The following CCDC187 variants were observed in gnomAD, a reference collection of about 807,000 sequenced individuals.
The protein encoded by CCDC187 is coiled-coil domain containing 187.
In CCDC187, 32 loss-of-function variants were observed where a neutral mutation model predicts 38.0. That is an observed-to-expected ratio of 0.84 (90% CI 0.64 to 1.13). The LOEUF is 1.13. CCDC187 is among the 50% of genes most tolerant of loss of function. The pLI is 0.00. For missense variants in CCDC187, 707 were observed against 786.8 expected, an observed-to-expected ratio of 0.90 and a Z score of 1.21; for synonymous variants, 333 against 347.9, an observed-to-expected ratio of 0.96 and a Z score of 0.48.
intron 7 of CCDC187, among the ~76,000 whole-genome samples, chr9:136,287,607 C>A (rs1165713021): frequency 6.6e-6 from 1 of 152,180 alleles, no homozygotes; most frequent in Non-Finnish European, 1.5e-5. Context: ...GGCTGCGGCA[C>A]CCAATTAAAG....
chr9:136,254,476 G>C lies in CCDC187; in HGVS notation c.5352C>G (p.Ser1784=), dbSNP rs1554760009. The part of the protein sequence containing the change: ...CTGAKPASGS[S]LPAGGSLGLG... ...GGCCCAGTGAGCCACCTGCAGGCAG[G>C]GAGCTCCCCGAGGCTGGCTTGGCCC... The change falls in exon 26 of 26, where the codon TCC becomes TCG. Residue 1784 remains serine (S), a synonymous_variant. Coordinates refer to ENST00000638797, the MANE Select transcript of CCDC187 (RefSeq NM_001378188.1). The C allele has an allele frequency of 1.0e-6, 1 of 985,364 alleles. No homozygotes were observed. Among genetic ancestry groups the C allele is most frequent in the African/African-American group, 1.7e-5 (1 of 57,226 alleles). The allele number at this position is 985,364 out of a possible 1,614,324, so 61.0% of individuals were successfully genotyped here.
intron 4 of CCDC187, among the ~76,000 whole-genome samples, chr9:136,294,127 C>CAT (rs879179515): frequency 0.75 from 105,358 of 141,342 alleles, 39,392 homozygotes; most frequent in East Asian, 0.82. Flanking sequence ...CTCTCACACT[C>CAT]ATACACACGC....
intron 16 of CCDC187, 107 bp from the exon 17 acceptor site, chr9:136,266,150 C>T (rs1243060594): frequency 3.2e-5 from 18 of 569,500 alleles, no homozygotes; most frequent in Non-Finnish European, 4.0e-5. Flanking sequence ...CCTGGAATGC[C>T]CTCCCAAGGT....
rs963399993 is a variant in CCDC187 at position 136,291,247 on chromosome 9, G to A, written c.1366C>T (p.Arg456Trp). The A allele has an allele frequency of 1.8e-4, 70 of 398,826 alleles. No individual in the cohort carries two copies. The East Asian group carries it at 1.8e-3, about 10-fold the overall frequency. The allele number at this position is 398,826 out of a possible 1,614,324, so 24.7% of individuals were successfully genotyped here. ...TWEPWSSSTA[R>W]ESCPQRAWGA... Reference sequence around the variant, plus strand: ...CAGGCCCTCTGCGGACAGGACTCCCGTGCAGTGGAGGAGCTCCAGGGCTCC... The same window carrying A: ...CAGGCCCTCTGCGGACAGGACTCCCATGCAGTGGAGGAGCTCCAGGGCTCC... The change falls in exon 6 of 26, where the codon CGG becomes TGG. Residue 456 changes from arginine to tryptophan, a missense_variant. Physicochemically the swap from Arg to Trp is moderately radical, Grantham distance 101. Transcript: ENST00000638797.
intron 19 of CCDC187, among the ~76,000 whole-genome samples, chr9:136,261,886 GC>G (rs1293872510): frequency 2.0e-4 from 30 of 152,364 alleles, no homozygotes; most frequent in South Asian, 6.2e-4. Context: ...GCCATTTCGA[GC>G]CCGGAAAGAA....
At chr9:136,289,321 T>C (rs1831254098) in intron 7 of CCDC187, among the ~76,000 whole-genome samples, 2 of 151,932 alleles carry the variant, frequency 1.3e-5, no homozygotes, top group Admixed American at 1.3e-4. Flanking sequence ...AGTTCGAGAC[T>C]AGCCTGGCCA....
chr9:136,294,085 TAC>T lies in CCDC187; in HGVS notation c.833-1792_833-1791del, dbSNP rs1194971195. Among the ~76,000 whole-genome samples, 182 of 102,034 alleles carry T rather than the reference TAC, an allele frequency of 1.8e-3. 1 individual carries two copies. The highest frequency in any genetic ancestry group is 4.9e-3 in the African/African-American group (129 of 26,562). The allele number at this position is 102,034 out of a possible 152,430, so 66.9% of individuals were successfully genotyped here. A position where few individuals can be genotyped will look rare whatever the true frequency, so the allele number is the denominator to read the frequency against. ...GCTCTCACACACTCACACGCTCATA[TAC>T]ACACGCCCTCAAGTGCTCACACTCA... On this transcript the variant is annotated intron_variant, in intron 4 of 25. Coordinates refer to ENST00000638797, the MANE Select transcript of CCDC187 (RefSeq NM_001378188.1).
chr9:136,285,098 G>A (rs1199528450), intron 9 of CCDC187, among the ~76,000 whole-genome samples: 1 of 152,114 alleles, frequency 6.6e-6, no homozygotes, highest in African/African-American at 2.4e-5. Flanking sequence ...CCGTGCTGGG[G>A]ATGGGAGCCA....
intron 24 of CCDC187, among the ~76,000 whole-genome samples, chr9:136,255,980 A>C (rs1830607009): frequency 6.6e-6 from 1 of 152,122 alleles, no homozygotes; most frequent in Non-Finnish European, 1.5e-5. Flanking sequence ...TGCCACTCCC[A>C]GGGGGTTCGA....
intron 20 of CCDC187, among the ~76,000 whole-genome samples, chr9:136,259,787 C>T (rs907297502): frequency 6.6e-6 from 1 of 152,194 alleles, no homozygotes; most frequent in African/African-American, 2.4e-5. Context: ...CTGAGGGCTG[C>T]ACGTGGCCCA....
chr9:136,305,912 C>T (rs903715266), upstream of CCDC187, among the ~76,000 whole-genome samples: 46 of 152,306 alleles, frequency 3.0e-4, 1 homozygote, highest in African/African-American at 1.0e-3. Context: ...GGCTTCCAGA[C>T]GCAGCTCTGA....
At chr9:136,293,989 C>A (rs1428642070) in intron 4 of CCDC187, among the ~76,000 whole-genome samples, 1 of 150,410 alleles carries the variant, frequency 6.6e-6, no homozygotes, top group Non-Finnish European at 1.5e-5. Flanking sequence ...CTCACACACA[C>A]ACTCACACTC....
At chr9:136,262,239 C>T (rs919822891) in intron 19 of CCDC187, 72 bp downstream of exon 19, 1 of 984,498 alleles carries the variant, frequency 1.0e-6, no homozygotes. Context: ...CCACCCGGGG[C>T]AGAAAAGGCT....
intron 18 of CCDC187, among the ~76,000 whole-genome samples, chr9:136,263,235 C>CT (rs35662036): frequency 0.15 from 14,058 of 94,072 alleles, 1,985 homozygotes; most frequent in Non-Finnish European, 0.23. Context: ...GGGCCACAGG[C>CT]TTTTTTTTTT....
chr9:136,254,007 G>C lies in CCDC187; in HGVS notation c.5821C>G (p.Leu1941Val), dbSNP rs1428594053. 1 of 981,974 alleles carries C rather than the reference G, an allele frequency of 1.0e-6. No homozygotes were observed. Among genetic ancestry groups the C allele is most frequent in the Non-Finnish European group, 1.2e-6 (1 of 827,738 alleles). The allele number at this position is 981,974 out of a possible 1,614,324, so 60.8% of individuals were successfully genotyped here. A position where few individuals can be genotyped will look rare whatever the true frequency, so the allele number is the denominator to read the frequency against. ...LMPEPETPVTLQAPPGDPGRL... is the reference protein window; with the variant it reads ...LMPEPETPVTVQAPPGDPGRL... ...CCTGGGTCCCCAGGAGGAGCCTGCAGGGTCACCGGGGTCTCGGGCTCTGGC... is the reference window on the plus strand; with the variant it reads ...CCTGGGTCCCCAGGAGGAGCCTGCACGGTCACCGGGGTCTCGGGCTCTGGC... The change falls in exon 26 of 26, where the codon CTG becomes GTG. Residue 1941 changes from leucine to valine, a missense_variant. Coordinates refer to ENST00000638797, the MANE Select transcript of CCDC187 (RefSeq NM_001378188.1).
At chr9:136,279,242 G>C (rs1588660745) in intron 10 of CCDC187, among the ~76,000 whole-genome samples, 2 of 152,240 alleles carry the variant, frequency 1.3e-5, no homozygotes, top group South Asian at 4.1e-4. Context: ...GGACAGCTCT[G>C]GTCTGGGTGT....
rs1444126616 is a variant in CCDC187 at position 136,291,428 on chromosome 9, C to T, written c.1185G>A (p.Gly395=). 3 of 398,796 alleles carry T rather than the reference C, an allele frequency of 7.5e-6. No homozygotes were observed. Among genetic ancestry groups the T allele is most frequent in the South Asian group, 1.3e-4 (1 of 7,874 alleles). The allele number at this position is 398,796 out of a possible 1,614,324, so 24.7% of individuals were successfully genotyped here. ...GLELAQARKG[G]QELGPSKRRL... ...TCCGCTTTGATGGCCCGAGCTCTTG[C>T]CCTCCCTTGCGGGCCTGGGCCAGCT... Residue 395 remains glycine (G), a synonymous_variant, in exon 6 of 26, where the codon GGG becomes GGA. Coordinates refer to ENST00000638797, the MANE Select transcript of CCDC187 (RefSeq NM_001378188.1).
intron 17 of CCDC187, among the ~76,000 whole-genome samples, chr9:136,265,132 G>A (rs1219561057): frequency 2.6e-5 from 4 of 152,226 alleles, no homozygotes; most frequent in African/African-American, 7.2e-5. Context: ...TGCAGGCACA[G>A]CGGCCGCGAC....
chr9:136,303,498 A>T (rs1831740629), intron 1 of CCDC187, among the ~76,000 whole-genome samples, 190 bp downstream of exon 1: 2 of 152,216 alleles, frequency 1.3e-5, no homozygotes, highest in African/African-American at 4.8e-5. Context: ...AGGTAATGTG[A>T]TCGGCCCGAT....
Sources: allele counts gnomAD v4.1 joint callset (sites outside exome capture counted in the v4.1 genomes callset), GRCh38; gene constraint gnomAD v4.1.1; transcripts MANE v1.5; gene names NCBI Gene and HGNC (gene_info 2026-07-23, HGNC 2026-07-21).